GMEB2: variants seen among roughly 807,000 people sequenced by gnomAD.
GMEB2 encodes the protein glucocorticoid modulatory element-binding protein 2.
A neutral mutation model predicts 45.7 loss-of-function variants in GMEB2; 7 were observed. The observed-to-expected ratio is 0.15, with a 90% CI of 0.09 to 0.29. The LOEUF (loss-of-function observed/expected upper bound fraction) is 0.29, where lower values mean the gene tolerates loss of function less well. GMEB2 is among the 10% of genes least tolerant of loss of function. The probability of loss-of-function intolerance (pLI) is 1.00; values close to 1 mark genes in which losing one functional copy is unlikely to be tolerated. For missense variants in GMEB2, 582 were observed against 739.2 expected, an observed-to-expected ratio of 0.79 and a Z score of 2.47; for synonymous variants, 322 against 323.6, an observed-to-expected ratio of 1.00 and a Z score of 0.05.
intron 1 of GMEB2, among the ~76,000 whole-genome samples, 175 bp downstream of exon 1, chr20:63,626,781 T>C (rs1036792508): frequency 2.8e-5 from 4 of 144,838 alleles, no homozygotes; most frequent in African/African-American, 1.0e-4. Context: ...GCCGCCCGCC[T>C]GACGCCGCCG....
At chr20:63,617,616 G>GGAGTCACA (rs2089618191) in intron 2 of GMEB2, among the ~76,000 whole-genome samples, 1 of 95,132 alleles carries the variant, frequency 1.1e-5, no homozygotes, top group Non-Finnish European at 2.7e-5. Context: ...ACGGAGTCAC[G>GGAGTCACA]GCTCGGGTGA....
In GMEB2 at chr20:63,592,476, C is replaced by G; in HGVS notation, c.829+57G>C. 1 of 1,447,600 alleles carries G rather than the reference C, an allele frequency of 6.9e-7. No homozygotes were observed. The highest frequency in any genetic ancestry group is 9.6e-7 in the Non-Finnish European group (1 of 1,045,032). The allele number at this position is 1,447,600 out of a possible 1,614,324, so 89.7% of individuals were successfully genotyped here. On this transcript the variant is annotated intron_variant, in intron 8 of 9. Coordinates refer to ENST00000370077, the MANE Select transcript of GMEB2 (RefSeq NM_012384.5). The surrounding 1 kb of genome is among the most constrained non-coding windows in gnomAD (Gnocchi z 8.2). ...GGGGCAGGAGGGCCAGTGGCCTCACCTCCTGCAGAGACTCCTGGGCTGAGT... is the reference window on the plus strand; with the variant it reads ...GGGGCAGGAGGGCCAGTGGCCTCACGTCCTGCAGAGACTCCTGGGCTGAGT...
At chr20:63,602,588 T>C (rs2049857885) in intron 4 of GMEB2, among the ~76,000 whole-genome samples, 1 of 152,246 alleles carries the variant, frequency 6.6e-6, no homozygotes, top group Non-Finnish European at 1.5e-5. Context: ...CACTGGCATT[T>C]TCGGCTGTTC....
In GMEB2 at chr20:63,588,698, G is replaced by A. The variant is rs148259219; in HGVS notation, c.*1391C>T. 1.8e-3 allele frequency: 721 copies of A among 398,504 alleles called. 2 individuals carry two copies. Among genetic ancestry groups the A allele is most frequent in the African/African-American group, 0.014 (663 of 48,772 alleles). The allele number at this position is 398,504 out of a possible 1,614,324, so 24.7% of individuals were successfully genotyped here. On this transcript the variant is annotated 3_prime_UTR_variant, in exon 10 of 10. Coordinates refer to ENST00000370077, the MANE Select transcript of GMEB2 (RefSeq NM_012384.5). Reference sequence around the variant, plus strand: ...CAGTGAAGTGGGACACAGGACCCTCGCATTGCGGGGCCTCAGACGGGCCTT... The same window carrying A: ...CAGTGAAGTGGGACACAGGACCCTCACATTGCGGGGCCTCAGACGGGCCTT...
Position 63,592,264 on chromosome 20 carries a change from G to T in GMEB2, c.830-120C>A. 1.0e-6 allele frequency: 1 copy of T among 959,656 alleles called. No individual in the cohort carries two copies. The highest frequency in any genetic ancestry group is 1.6e-6 in the Non-Finnish European group (1 of 644,140). The allele number at this position is 959,656 out of a possible 1,614,324, so 59.4% of individuals were successfully genotyped here. On this transcript the variant is annotated intron_variant, in intron 8 of 9. Transcript: ENST00000370077. This position sits in a 1 kb window ranked among gnomAD's most constrained non-coding sequence, Gnocchi z 8.2. Reference sequence around the variant, plus strand: ...CACGTGGACGCTCGGTGAGAGCCTGGGCTCTTCCTAGAGAGTGAGAACACC... The same window carrying T: ...CACGTGGACGCTCGGTGAGAGCCTGTGCTCTTCCTAGAGAGTGAGAACACC...
intron 1 of GMEB2, among the ~76,000 whole-genome samples, chr20:63,623,867 T>A (rs1413947726): frequency 6.6e-6 from 1 of 151,698 alleles, no homozygotes; most frequent in Non-Finnish European, 1.5e-5. Context: ...ATCCTAGCAC[T>A]TTGGGAGGCC....
rs980468597 is a variant in GMEB2 at position 63,593,469 on chromosome 20, G to A, written c.620-387C>T. Among the ~76,000 whole-genome samples, 21 of 151,942 alleles carry A rather than the reference G, an allele frequency of 1.4e-4. No homozygotes were observed. Among genetic ancestry groups the A allele is most frequent in the African/African-American group, 5.1e-4 (21 of 41,420 alleles). On this transcript the variant is annotated intron_variant, in intron 6 of 9. Coordinates refer to ENST00000370077, the MANE Select transcript of GMEB2 (RefSeq NM_012384.5). The surrounding 1 kb of genome is among the most constrained non-coding windows in gnomAD (Gnocchi z 4.7). ...CTTGTTTTCCCACCGAGAGCTCTGCGGCTGCGTCTGTCGCCCGTGGGGCTC... is the reference window on the plus strand; with the variant it reads ...CTTGTTTTCCCACCGAGAGCTCTGCAGCTGCGTCTGTCGCCCGTGGGGCTC...
chr20:63,609,408 C>A (rs1337306087), intron 2 of GMEB2, among the ~76,000 whole-genome samples: 5 of 140,426 alleles, frequency 3.6e-5, no homozygotes, highest in African/African-American at 1.0e-4. Context: ...GAAACATGCC[C>A]CTCTGACCCC....
intron 3 of GMEB2, among the ~76,000 whole-genome samples, 182 bp downstream of exon 3, chr20:63,604,561 C>T (rs1386885398): frequency 2.6e-5 from 4 of 152,198 alleles, no homozygotes; most frequent in African/African-American, 9.7e-5. Context: ...TCATTACAGA[C>T]ACATGGCAGG....
In GMEB2 at chr20:63,592,816, G is replaced by T; in HGVS notation, c.692-146C>A. ...CACTGTGCTGGGCTTGCACTGCCCAGACACATCCACAGTGCCAAAATCTAG... is the reference window on the plus strand; with the variant it reads ...CACTGTGCTGGGCTTGCACTGCCCATACACATCCACAGTGCCAAAATCTAG... On this transcript the variant is annotated intron_variant, in intron 7 of 9. Coordinates refer to ENST00000370077, the MANE Select transcript of GMEB2 (RefSeq NM_012384.5). The surrounding 1 kb of genome is among the most constrained non-coding windows in gnomAD (Gnocchi z 8.2). 1.2e-6 allele frequency: 1 copy of T among 801,246 alleles called. No homozygotes were observed. The allele number at this position is 801,246 out of a possible 1,614,324, so 49.6% of individuals were successfully genotyped here. A position where few individuals can be genotyped will look rare whatever the true frequency, so the allele number is the denominator to read the frequency against.
At chr20:63,624,550 A>C (rs1473595491) in intron 1 of GMEB2, among the ~76,000 whole-genome samples, 1 of 152,230 alleles carries the variant, frequency 6.6e-6, no homozygotes. Flanking sequence ...GGGTAAGCTC[A>C]GCAGGGGCAA....
intron 2 of GMEB2, among the ~76,000 whole-genome samples, chr20:63,606,864 C>T (rs973596905): frequency 1.4e-4 from 22 of 152,214 alleles, no homozygotes; most frequent in Non-Finnish European, 2.5e-4. Context: ...GAAACCAGTA[C>T]ATGAGGCCAC....
In GMEB2 at chr20:63,590,720, T is replaced by A. The variant is rs753551674; in HGVS notation, c.962A>T (p.Gln321Leu). ...TCGGCGACGATGCTCATCACACTGC[T>A]GCTCCAGGGCTGCAGGGAGGTACAG... ...QYARDLAALEQQCDEHRRRAK... is the reference protein window; with the variant it reads ...QYARDLAALELQCDEHRRRAK... Residue 321 changes from glutamine to leucine, a missense_variant, in exon 10 of 10, where the codon CAG (glutamine) becomes CTG (leucine). By Grantham distance (113) the Gln-to-Leu change is moderately radical (BLOSUM62 -2). This residue lies in a region of GMEB2 where 462 missense variants were observed against 586.7 expected (regional missense o/e 0.79). Coordinates refer to ENST00000370077, the MANE Select transcript of GMEB2 (RefSeq NM_012384.5). 3 of 1,506,122 alleles carry A rather than the reference T, an allele frequency of 2.0e-6. 1 individual carries two copies. The highest frequency in any genetic ancestry group is 2.7e-6 in the Non-Finnish European group (3 of 1,121,832). The allele number at this position is 1,506,122 out of a possible 1,614,324, so 93.3% of individuals were successfully genotyped here. A position where few individuals can be genotyped will look rare whatever the true frequency, so the allele number is the denominator to read the frequency against.
At chr20:63,616,527 T>A (rs1279686936) in intron 2 of GMEB2, among the ~76,000 whole-genome samples, 1 of 152,158 alleles carries the variant, frequency 6.6e-6, no homozygotes, top group African/African-American at 2.4e-5. Flanking sequence ...GCTTCCAAAG[T>A]GTAAACCCAG....
At chr20:63,599,087 A>ACCAGAGCTG (rs1165031831) in intron 4 of GMEB2, among the ~76,000 whole-genome samples, 1 of 152,192 alleles carries the variant, frequency 6.6e-6, no homozygotes, top group Non-Finnish European at 1.5e-5. Context: ...TGTCACGCTT[A>ACCAGAGCTG]CCAGAGCTGC....
At chr20:63,614,223 C>T (rs1283074899) in intron 2 of GMEB2, among the ~76,000 whole-genome samples, 1 of 152,064 alleles carries the variant, frequency 6.6e-6, no homozygotes, top group African/African-American at 2.4e-5. Context: ...GTAGCAATTA[C>T]TCTTTATTCC....
intron 1 of GMEB2, among the ~76,000 whole-genome samples, chr20:63,622,133 A>T (rs765551248): frequency 6.6e-6 from 1 of 152,230 alleles, no homozygotes; most frequent in Non-Finnish European, 1.5e-5. Context: ...TGTCACAAAA[A>T]AAAGAAAGAA....
In GMEB2 at chr20:63,603,558, G is replaced by A. The variant is rs73622833; in HGVS notation, c.230-466C>T. Among the ~76,000 whole-genome samples the A allele has an allele frequency of 1.1e-4, 16 of 151,600 alleles. No individual in the cohort carries two copies. In the South Asian group the frequency reaches 3.3e-3, roughly 32 times the overall value. On this transcript the variant is annotated intron_variant, in intron 3 of 9. Coordinates refer to ENST00000370077, the MANE Select transcript of GMEB2 (RefSeq NM_012384.5). The stretch of plus-strand genomic sequence containing the variant: ...ATCCTGGCCAACATGGTGAAACCCC[G>A]TCTCTACTAAAAATACAAAAATTAG...
At chr20:63,611,253 G>T (rs988980094) in intron 2 of GMEB2, among the ~76,000 whole-genome samples, 1 of 152,262 alleles carries the variant, frequency 6.6e-6, no homozygotes. Flanking sequence ...TCTTGTGTGT[G>T]GAAGGGGCCA....
Sources: allele counts gnomAD v4.1 joint callset (sites outside exome capture counted in the v4.1 genomes callset), GRCh38; gene constraint gnomAD v4.1.1; regional missense constraint gnomAD v4.1.1; non-coding constraint Gnocchi (gnomAD v3.1); transcripts MANE v1.5; gene names NCBI Gene and HGNC (gene_info 2026-07-23, HGNC 2026-07-21).